DRD3: variants seen among roughly 807,000 people sequenced by gnomAD.
DRD3 encodes D(3) dopamine receptor.
Under a neutral mutation model 36.3 loss-of-function variants are expected in DRD3, and 19 were observed. The ratio of observed to expected loss-of-function variants is 0.52; its 90% CI spans 0.36 to 0.77. The LOEUF (loss-of-function observed/expected upper bound fraction) is 0.77. Ranked by LOEUF, DRD3 falls within the 30% of genes least tolerant of loss-of-function variation. The probability of loss-of-function intolerance (pLI) is 0.00; values close to 1 mark genes in which losing one functional copy is unlikely to be tolerated. For synonymous variants in DRD3, 195 were observed against 203.7 expected (o/e 0.96, Z 0.36); for missense variants, 465 against 505.3 (o/e 0.92, Z 0.77).
At chr3:114,181,283 T>C (rs1025621043), upstream of DRD3, among the ~76,000 whole-genome samples, 3 of 152,200 alleles carry the variant, frequency 2.0e-5, no homozygotes, top group Non-Finnish European at 2.9e-5. Flanking sequence ...TCAACTCTGT[T>C]CTGACTTAGC....
intron 4 of DRD3, among the ~76,000 whole-genome samples, chr3:114,143,367 A>C (rs1460524898): frequency 6.6e-6 from 1 of 152,090 alleles, no homozygotes; most frequent in Non-Finnish European, 1.5e-5. Context: ...GATGATGAAG[A>C]GTCATCTATT....
rs551202266 is a variant in DRD3, at chr3:114,129,813, T to A, written c.1007-901A>T. 1.6e-4 allele frequency among the ~76,000 whole-genome samples: 24 copies of A among 152,330 alleles called. No homozygotes were observed. In the South Asian group the frequency reaches 3.9e-3, roughly 25 times the overall value. ...TGGCTCACACCTGTAATCCCAGCAG[T>A]TTGGGAGGCCAAGGTGGGTGGATCA... On this transcript the variant is annotated intron_variant, in intron 6 of 6. Coordinates refer to ENST00000383673, the MANE Select transcript of DRD3 (RefSeq NM_000796.6).
chr3:114,184,242 C>G (rs940920781), intron 1 of DRD3, among the ~76,000 whole-genome samples: 1 of 152,098 alleles, frequency 6.6e-6, no homozygotes, highest in Non-Finnish European at 1.5e-5. Context: ...ATATCTGGTC[C>G]TCTACTATTC....
chr3:114,169,070 TTAG>T (rs1392725145), intron 2 of DRD3, among the ~76,000 whole-genome samples: 2 of 151,946 alleles, frequency 1.3e-5, no homozygotes, highest in Admixed American at 6.5e-5. Context: ...AATTAAGTAA[TTAG>T]TAGAGTAGCT....
chr3:114,148,400 AT>A (rs1011583484), intron 3 of DRD3, among the ~76,000 whole-genome samples: 1 of 152,214 alleles, frequency 6.6e-6, no homozygotes, highest in Non-Finnish European at 1.5e-5. Context: ...GAAATGAGGA[AT>A]GTCCAGTGAA....
At chr3:114,158,591 CTT>C (rs2077703943) in intron 3 of DRD3, among the ~76,000 whole-genome samples, 2 of 152,184 alleles carry the variant, frequency 1.3e-5, no homozygotes, top group African/African-American at 4.8e-5. Context: ...ATTACAGAGT[CTT>C]GAACAAAGAG....
chr3:114,154,047 T>A (rs939575177), intron 3 of DRD3, among the ~76,000 whole-genome samples: 4 of 152,156 alleles, frequency 2.6e-5, no homozygotes, highest in African/African-American at 9.7e-5. Flanking sequence ...AATGAAGGTG[T>A]CACTTATTGT....
intron 5 of DRD3, among the ~76,000 whole-genome samples, chr3:114,132,995 C>CTT (rs11406864): frequency 2.8e-4 from 41 of 147,386 alleles, no homozygotes; most frequent in East Asian, 1.6e-3. Flanking sequence ...AGTCCGTATT[C>CTT]TTTTTTTTTT....
At chr3:114,155,275 C>T (rs1173396856) in intron 3 of DRD3, among the ~76,000 whole-genome samples, 1 of 152,180 alleles carries the variant, frequency 6.6e-6, no homozygotes, top group Non-Finnish European at 1.5e-5. Context: ...CCCAGCTTTT[C>T]CAAGGCCTGT....
At chr3:114,182,479 G>C (rs185657286), upstream of DRD3, among the ~76,000 whole-genome samples, 1 of 150,394 alleles carries the variant, frequency 6.6e-6, no homozygotes, top group Non-Finnish European at 1.5e-5. Context: ...ATAAATGATA[G>C]TGGTTTTTTA....
intron 1 of DRD3, among the ~76,000 whole-genome samples, chr3:114,187,345 C>T (rs1285711760): frequency 6.6e-6 from 1 of 152,216 alleles, no homozygotes; most frequent in Non-Finnish European, 1.5e-5. Flanking sequence ...GCTTTATCTT[C>T]ATATCTTGTT....
chr3:114,161,701 G>T (rs953122044), intron 2 of DRD3, among the ~76,000 whole-genome samples: 3 of 152,082 alleles, frequency 2.0e-5, no homozygotes, highest in Non-Finnish European at 4.4e-5. Context: ...AGAATAAAAA[G>T]CTTTTAAAAG....
intron 3 of DRD3, among the ~76,000 whole-genome samples, chr3:114,158,251 A>G (rs541328083): frequency 1.8e-4 from 14 of 76,132 alleles, no homozygotes; most frequent in Non-Finnish European, 3.8e-4. Context: ...ATCTCTGCAA[A>G]AAAGAAAAAA....
chr3:114,145,787 T>C (rs1257858077), intron 4 of DRD3, among the ~76,000 whole-genome samples: 1 of 152,224 alleles, frequency 6.6e-6, no homozygotes. Flanking sequence ...GTATGGTACA[T>C]ATAGTAATAT....
chr3:114,128,715 C>T lies in DRD3; in HGVS notation c.*1G>A. The T allele has an allele frequency of 6.3e-7, 1 of 1,589,450 alleles. No homozygotes were observed. Among genetic ancestry groups the T allele is most frequent in the East Asian group, 2.2e-5 (1 of 44,546 alleles). On this transcript the variant is annotated 3_prime_UTR_variant, in exon 7 of 7. Coordinates refer to ENST00000383673, the MANE Select transcript of DRD3 (RefSeq NM_000796.6). ...CAAAGAGTGTTCCCTCTTCTGCTCC[C>T]TCAGCAAGACAGGATCTTGAGGAAG...
rs1261620530 is a variant in DRD3, at chr3:114,172,039, C to T, written c.-35-12G>A. On this transcript the variant is annotated splice_polypyrimidine_tract_variant and intron_variant, in intron 1 of 6. Transcript: ENST00000383673. ...TGCCAAGGGGCTTCCTGTGAGGAGA[C>T]AGAAAACAATATTAATAAAATCAGA... The T allele has an allele frequency of 2.2e-6, 3 of 1,377,578 alleles. No homozygotes were observed. Among genetic ancestry groups the T allele is most frequent in the East Asian group, 2.8e-5 (1 of 35,140 alleles). 85.3% of individuals were successfully genotyped at this position (1,377,578 alleles called of 1,614,324 possible).
intron 3 of DRD3, among the ~76,000 whole-genome samples, chr3:114,154,371 G>T (rs554168654): frequency 6.6e-6 from 1 of 151,976 alleles, no homozygotes; most frequent in Non-Finnish European, 1.5e-5. Context: ...GCTGACAAGG[G>T]TTGCTCTTTA....
chr3:114,190,417 T>C (rs1407564299), intron 1 of DRD3, among the ~76,000 whole-genome samples: 12 of 3,592 alleles, frequency 3.3e-3, no homozygotes, highest in Admixed American at 9.0e-3. Flanking sequence ...GGATAATATA[T>C]ATATATATAT....
At chr3:114,135,574 T>G (rs1175340902) in intron 5 of DRD3, among the ~76,000 whole-genome samples, 1 of 152,254 alleles carries the variant, frequency 6.6e-6, no homozygotes, top group Non-Finnish European at 1.5e-5. Context: ...ATTTAACATT[T>G]TTTGGTTTTT....
Sources: allele counts gnomAD v4.1 joint callset (sites outside exome capture counted in the v4.1 genomes callset), GRCh38; gene constraint gnomAD v4.1.1; transcripts MANE v1.5; gene names NCBI Gene and HGNC (gene_info 2026-07-23, HGNC 2026-07-21).